The following TCF4 variants were observed in gnomAD, a reference collection of about 807,000 sequenced individuals.
The protein encoded by TCF4 is SL3-3 enhancer factor 2.
A neutral mutation model predicts 82.1 loss-of-function variants in TCF4; 3 were observed. The observed-to-expected ratio is 0.04, with a 90% CI of 0.02 to 0.09. The LOEUF is 0.09. Ranked by LOEUF, TCF4 falls within the 10% of genes least tolerant of loss-of-function variation. TCF4 has a pLI of 1.00. For missense variants in TCF4, 518 were observed against 852.7 expected (o/e 0.61, Z 4.89); for synonymous variants, 276 against 309.6 (o/e 0.89, Z 1.14).
chr18:55,630,177 A>G (rs2148002676), intron 2 of TCF4, among the ~76,000 whole-genome samples: 1 of 152,332 alleles, frequency 6.6e-6, no homozygotes, highest in African/African-American at 2.4e-5. Context: ...ATGAACTAAC[A>G]TCTCTGAAAT....
chr18:55,588,528 C>T (rs1057518280), upstream of TCF4: 5 of 1,532,828 alleles, frequency 3.3e-6, no homozygotes, highest in Non-Finnish European at 4.4e-6. Context: ...AGTTTTTGCC[C>T]GTTGCATCCC....
intron 6 of TCF4, chr18:55,400,828 A>T (rs1368174240): frequency 1.9e-6 from 1 of 530,312 alleles, no homozygotes; most frequent in African/African-American, 2.0e-5. Flanking sequence ...TGGAAGAAGC[A>T]TGTTTCCATA....
chr18:55,270,207 G>A (rs546130140), intron 10 of TCF4, among the ~76,000 whole-genome samples: 2 of 152,220 alleles, frequency 1.3e-5, no homozygotes, highest in South Asian at 4.1e-4. Flanking sequence ...GGGACATTGA[G>A]AAATGATCAC....
At position 55,635,870 on chromosome 18, in the gene TCF4, G is replaced by C. The variant is rs611326; in HGVS notation, c.28C>G (p.Pro10Ala). 2.7e-4 allele frequency: 431 copies of C among 1,567,498 alleles called. 2 individuals are homozygous for C. The African/African-American group carries it at 5.3e-3, about 19-fold the overall frequency. The change falls in exon 1 of 21, where the codon CCA becomes GCA. Residue 10 changes from proline to alanine, a missense_variant. By Grantham distance (27) the Pro-to-Ala change is conservative (BLOSUM62 -1). Transcript: ENST00000398339. ...AAGGGAAAGAGGAGAGGCACCTGTGGTATTTTCTCCAGCCTTTTAGAAAAC... is the reference window on the plus strand; with the variant it reads ...AAGGGAAAGAGGAGAGGCACCTGTGCTATTTTCTCCAGCCTTTTAGAAAAC...
chr18:55,573,250 T>C (rs1603623919), intron 3 of TCF4, among the ~76,000 whole-genome samples: 1 of 142,700 alleles, frequency 7.0e-6, no homozygotes, highest in East Asian at 2.0e-4. Context: ...TCGGAATGTA[T>C]AAAGTATGGT....
chr18:55,541,173 A>G (rs917338611), intron 3 of TCF4, among the ~76,000 whole-genome samples: 2 of 152,010 alleles, frequency 1.3e-5, no homozygotes, highest in East Asian at 1.9e-4. Context: ...ATTTCATTAT[A>G]CACATTATTA....
At chr18:55,388,260 A>C (rs2092765865) in intron 6 of TCF4, among the ~76,000 whole-genome samples, 1 of 152,138 alleles carries the variant, frequency 6.6e-6, no homozygotes, top group South Asian at 2.1e-4. Context: ...GGGAGAGTGA[A>C]GGAGAATGAA....
chr18:55,349,268 T>C (rs1222890888), intron 8 of TCF4, among the ~76,000 whole-genome samples: 1 of 152,164 alleles, frequency 6.6e-6, no homozygotes, highest in Non-Finnish European at 1.5e-5. Context: ...CTTATTCTGA[T>C]ATATTCATTT....
intron 8 of TCF4, among the ~76,000 whole-genome samples, chr18:55,283,288 A>G (rs73488983): frequency 0.027 from 4,111 of 152,192 alleles, 192 homozygotes; most frequent in African/African-American, 0.095. Context: ...TCAAAGAAAA[A>G]AAAATTTAAT....
chr18:55,506,713 T>C (rs2096764285), intron 3 of TCF4, among the ~76,000 whole-genome samples: 1 of 152,164 alleles, frequency 6.6e-6, no homozygotes, highest in Admixed American at 6.5e-5. Flanking sequence ...AGCACAAAAT[T>C]CTATATACGC....
At chr18:55,392,462 CAAA>C (rs772409228) in intron 6 of TCF4, among the ~76,000 whole-genome samples, 8 of 95,496 alleles carry the variant, frequency 8.4e-5, no homozygotes, top group Admixed American at 2.4e-4. Context: ...AACAACCCCA[CAAA>C]AAAAAAAAAA....
At chr18:55,555,685 T>C (rs1487074881) in intron 3 of TCF4, among the ~76,000 whole-genome samples, 1 of 152,176 alleles carries the variant, frequency 6.6e-6, no homozygotes, top group Non-Finnish European at 1.5e-5. Context: ...GCCATAAAAC[T>C]CTCAGTTAAA....
At chr18:55,401,871 A>G (rs1296434780) in intron 6 of TCF4, 1 of 870,340 alleles carries the variant, frequency 1.1e-6, no homozygotes, top group Non-Finnish European at 1.4e-6. Context: ...TGCCATGACC[A>G]TCTGCAGAAA....
intron 3 of TCF4, among the ~76,000 whole-genome samples, chr18:55,560,989 C>G (rs1210328029): frequency 1.2e-4 from 19 of 152,252 alleles, no homozygotes. Context: ...AATTCCCTGG[C>G]TTTCATTGCA....
At chr18:55,406,118 G>A (rs1177409165) in intron 5 of TCF4, among the ~76,000 whole-genome samples, 3 of 144,342 alleles carry the variant, frequency 2.1e-5, no homozygotes, top group African/African-American at 5.4e-5. Context: ...AGGAGGCTGG[G>A]AGGTGGACTT....
At chr18:55,236,454 CTTT>C (rs77656375) in intron 15 of TCF4, among the ~76,000 whole-genome samples, 7 of 145,576 alleles carry the variant, frequency 4.8e-5, no homozygotes, top group Non-Finnish European at 7.6e-5. Context: ...AAGTACAAAC[CTTT>C]TTTTTTTTTT....
chr18:55,560,939 A>G (rs1227000985), intron 3 of TCF4, among the ~76,000 whole-genome samples: 1 of 152,258 alleles, frequency 6.6e-6, no homozygotes, highest in African/African-American at 2.4e-5. Flanking sequence ...CATATCTTTC[A>G]TTAGATTCCC....
chr18:55,635,555 G>T, intron 1 of TCF4: 1 of 916,768 alleles, frequency 1.1e-6, no homozygotes, highest in Non-Finnish European at 1.5e-6. Flanking sequence ...AGACTCTCAA[G>T]AGGGCAGGCC....
intron 3 of TCF4, among the ~76,000 whole-genome samples, chr18:55,558,973 T>C (rs1164846355): frequency 6.6e-6 from 1 of 150,830 alleles, no homozygotes; most frequent in African/African-American, 2.4e-5. Flanking sequence ...AGTCATTGAA[T>C]AGACTATTTC....
Sources: allele counts gnomAD v4.1 joint callset (sites outside exome capture counted in the v4.1 genomes callset), GRCh38; gene constraint gnomAD v4.1.1; transcripts MANE v1.5; gene names NCBI Gene and HGNC (gene_info 2026-07-23, HGNC 2026-07-21).